EBF2: variants seen among roughly 807,000 people sequenced by gnomAD.
EBF2 encodes transcription factor COE2.
In EBF2, 21 loss-of-function variants were observed where a neutral mutation model predicts 72.8. The ratio of observed to expected loss-of-function variants is 0.29; its 90% CI spans 0.20 to 0.42. The LOEUF (loss-of-function observed/expected upper bound fraction) is 0.42. Among genes scored for constraint, EBF2 ranks in the 10% least tolerant of loss-of-function variants. EBF2 has a pLI of 1.00. For synonymous variants in EBF2, 299 were observed against 274.2 expected, an observed-to-expected ratio of 1.09 and a Z score of -0.89; for missense variants, 637 against 731.2, an observed-to-expected ratio of 0.87 and a Z score of 1.49.
In EBF2 at chr8:25,946,372, C is replaced by T. The variant is rs1360171261; in HGVS notation, c.552-37817G>A. Among the ~76,000 whole-genome samples, 3 of 152,190 alleles carry T rather than the reference C, an allele frequency of 2.0e-5. 1 individual carries two copies. In the South Asian group the frequency reaches 6.2e-4, roughly 31 times the overall value. On this transcript the variant is annotated intron_variant, in intron 6 of 15. Transcript: ENST00000520164. Reference sequence around the variant, plus strand: ...CTCTAATGCCTAGCATGGTATCTTACCCCAGACCTAAATATGCTTGCTGAG... The same window carrying T: ...CTCTAATGCCTAGCATGGTATCTTATCCCAGACCTAAATATGCTTGCTGAG...
chr8:25,874,915 G>A (rs1014105835), intron 10 of EBF2, among the ~76,000 whole-genome samples: 2 of 143,848 alleles, frequency 1.4e-5, no homozygotes, highest in Non-Finnish European at 3.0e-5. Context: ...CAAACTCCTG[G>A]CCTCAAGTGA....
chr8:26,027,201 C>T (rs990087830), intron 6 of EBF2, among the ~76,000 whole-genome samples: 4 of 152,244 alleles, frequency 2.6e-5, no homozygotes, highest in African/African-American at 7.2e-5. Context: ...TAAAAGTTTC[C>T]GTCCCACAAA....
chr8:25,990,883 G>A (rs1195773889), intron 6 of EBF2, among the ~76,000 whole-genome samples: 2 of 152,188 alleles, frequency 1.3e-5, no homozygotes, highest in African/African-American at 4.8e-5. Context: ...GTACAGAGTG[G>A]ATGCCAAATT....
At chr8:25,861,248 T>C in intron 12 of EBF2, 22 bp from the exon 13 acceptor site, 1 of 1,613,400 alleles carries the variant, frequency 6.2e-7, no homozygotes, top group Non-Finnish European at 8.5e-7. Context: ...CAGGTTAATG[T>C]GAGCATTCTA....
intron 6 of EBF2, among the ~76,000 whole-genome samples, chr8:25,996,491 C>CA (rs1804634113): frequency 6.0e-5 from 9 of 151,106 alleles, no homozygotes; most frequent in Admixed American, 5.9e-4. Context: ...TGAGTACTTA[C>CA]AAAAAATGAT....
intron 6 of EBF2, among the ~76,000 whole-genome samples, chr8:25,970,449 A>C (rs1177791151): frequency 6.6e-6 from 1 of 151,774 alleles, no homozygotes. Flanking sequence ...CCACAGAGCA[A>C]TTTTTTTTCC....
chr8:26,012,963 A>T (rs1456533039), intron 6 of EBF2, among the ~76,000 whole-genome samples: 1 of 152,206 alleles, frequency 6.6e-6, no homozygotes, highest in Non-Finnish European at 1.5e-5. Context: ...ATCCCTGCCC[A>T]CCTGTAGCAG....
intron 6 of EBF2, among the ~76,000 whole-genome samples, chr8:25,915,302 A>G (rs980389657): frequency 6.6e-6 from 1 of 151,980 alleles, no homozygotes; most frequent in African/African-American, 2.4e-5. Flanking sequence ...AAAAGGCTGA[A>G]CATGTTGCCA....
At chr8:25,987,059 A>C (rs75986152) in intron 6 of EBF2, among the ~76,000 whole-genome samples, 65,946 of 149,976 alleles carry the variant, frequency 0.44, 14,666 homozygotes, top group Middle Eastern at 0.52. Flanking sequence ...AAAAAAAAAA[A>C]CTGATAATTT....
chr8:26,043,545 G>C (rs957747624), intron 1 of EBF2, among the ~76,000 whole-genome samples: 4 of 152,202 alleles, frequency 2.6e-5, no homozygotes, highest in Non-Finnish European at 5.9e-5. Flanking sequence ...CCGCCGCGCT[G>C]TGCGGTCTGC....
At chr8:25,902,051 A>ATGTT (rs1802962080) in intron 7 of EBF2, among the ~76,000 whole-genome samples, 1 of 152,128 alleles carries the variant, frequency 6.6e-6, no homozygotes, top group African/African-American at 2.4e-5. Flanking sequence ...GAGTACCTCT[A>ATGTT]TGTTTTCACT....
chr8:26,041,371 A>C (rs1805596759), intron 2 of EBF2: 1 of 275,340 alleles, frequency 3.6e-6, no homozygotes, highest in Admixed American at 4.8e-5. Context: ...TTGGCAGAAA[A>C]GTGAAGGGAC....
chr8:25,941,176 C>T (rs4518680), intron 6 of EBF2, among the ~76,000 whole-genome samples: 21,450 of 151,098 alleles, frequency 0.14, 1,655 homozygotes, highest in Middle Eastern at 0.21. Context: ...GGCCTCCCCA[C>T]CCCCAAGCCC....
rs549055824 is a variant in EBF2, at chr8:25,943,952, C to T, written c.552-35397G>A. Among the ~76,000 whole-genome samples the T allele has an allele frequency of 4.6e-5, 7 of 152,282 alleles. No individual in the cohort carries two copies. The East Asian group carries it at 5.8e-4, about 13-fold the overall frequency. ...CAGCTTTCAGCCAGAGGGAGAAAACCTAGGTGAGAACAGGGTCCCAGTTGT... is the reference window on the plus strand; with the variant it reads ...CAGCTTTCAGCCAGAGGGAGAAAACTTAGGTGAGAACAGGGTCCCAGTTGT... On this transcript the variant is annotated intron_variant, in intron 6 of 15. Coordinates refer to ENST00000520164, the MANE Select transcript of EBF2 (RefSeq NM_022659.4).
intron 6 of EBF2, among the ~76,000 whole-genome samples, chr8:25,992,578 G>A (rs898338409): frequency 8.5e-5 from 13 of 152,064 alleles, no homozygotes; most frequent in Non-Finnish European, 1.8e-4. Flanking sequence ...CAGGCCCAAA[G>A]GCAACAGAAC....
At chr8:25,942,957 C>T (rs1054459439) in intron 6 of EBF2, among the ~76,000 whole-genome samples, 7 of 152,234 alleles carry the variant, frequency 4.6e-5, no homozygotes, top group Non-Finnish European at 1.0e-4. Flanking sequence ...GCAGTGGTAA[C>T]CTCCTGGAGC....
chr8:26,035,310 A>G (rs1383063129), intron 5 of EBF2, among the ~76,000 whole-genome samples: 1 of 152,024 alleles, frequency 6.6e-6, no homozygotes, highest in Non-Finnish European at 1.5e-5. Context: ...ACACTTGGCT[A>G]ATTTTTTATT....
chr8:25,932,430 C>G (rs1376664809), intron 6 of EBF2, among the ~76,000 whole-genome samples: 2 of 150,822 alleles, frequency 1.3e-5, no homozygotes, highest in African/African-American at 4.9e-5. Context: ...GAATCTGGAG[C>G]AGACATTAAA....
chr8:26,003,918 C>T (rs112813383), intron 6 of EBF2, among the ~76,000 whole-genome samples: 107 of 152,216 alleles, frequency 7.0e-4, no homozygotes, highest in African/African-American at 2.3e-3. Flanking sequence ...CAAGAGTTTG[C>T]GCTCCTGGGG....
Sources: gnomAD v4.1 joint callset for allele counts (sites outside exome capture counted in the v4.1 genomes callset) on GRCh38, gnomAD v4.1.1 for gene constraint, MANE v1.5 for transcripts, NCBI Gene and HGNC (gene_info 2026-07-23, HGNC 2026-07-21) for gene names.